The following OGA variants were observed in gnomAD, a reference collection of about 807,000 sequenced individuals.
OGA encodes the protein O-GlcNAcase, also known as protein O-GlcNAcase.
A neutral mutation model predicts 102.0 loss-of-function variants in OGA; 21 were observed. The ratio of observed to expected loss-of-function variants is 0.21; its 90% confidence interval spans 0.15 to 0.30. The LOEUF (loss-of-function observed/expected upper bound fraction) is 0.30. OGA is among the 10% of genes least tolerant of loss of function. OGA has a pLI of 1.00. For missense variants in OGA, 765 were observed against 1,107.8 expected (o/e 0.69, Z 4.39); for synonymous variants, 408 against 378.2 (o/e 1.08, Z -0.91).
intron 10 of OGA, chr10:101,797,338 TAAAA>T: frequency 6.8e-6 from 1 of 147,294 alleles, no homozygotes; most frequent in Admixed American, 6.8e-5. Context: ...TTTGACAATT[TAAAA>T]AAAAAAAATC....
intron 14 of OGA, among the ~76,000 whole-genome samples, chr10:101,788,974 T>G (rs1362409566): frequency 1.3e-5 from 2 of 152,238 alleles, no homozygotes; most frequent in African/African-American, 2.4e-5. Context: ...ATATTTTAAA[T>G]TAACGTATTC....
At chr10:101,800,096 C>T in intron 8 of OGA, 146 bp downstream of exon 8, 2 of 802,338 alleles carry the variant, frequency 2.5e-6, no homozygotes, top group Non-Finnish European at 3.9e-6. Flanking sequence ...TGGTCTCGAA[C>T]TCCTGACCTC....
intron 3 of OGA, among the ~76,000 whole-genome samples, chr10:101,812,304 G>A (rs748726710): frequency 7.2e-5 from 11 of 152,142 alleles, no homozygotes; most frequent in Non-Finnish European, 1.3e-4. Flanking sequence ...CACTTTGGGA[G>A]GCTGAGGCAG....
In OGA at chr10:101,786,244, T is replaced by C. The variant is rs1461606251; in HGVS notation, c.*207A>G. 4 of 433,804 alleles carry C rather than the reference T, an allele frequency of 9.2e-6. No individual in the cohort carries two copies. Among genetic ancestry groups the C allele is most frequent in the Non-Finnish European group, 1.5e-5 (4 of 258,732 alleles). The allele number at this position is 433,804 out of a possible 1,614,324, so 26.9% of individuals were successfully genotyped here. On this transcript the variant is annotated 3_prime_UTR_variant, in exon 16 of 16. Coordinates refer to ENST00000361464, the MANE Select transcript of OGA (RefSeq NM_012215.5). ...TCAAAAAGGAAGCCCACATCTCTCTTTCATACAGGATTTGCTGCAATACTA... is the reference window on the plus strand; with the variant it reads ...TCAAAAAGGAAGCCCACATCTCTCTCTCATACAGGATTTGCTGCAATACTA...
chr10:101,789,818 A>G (rs142217249), intron 14 of OGA, among the ~76,000 whole-genome samples: 5 of 152,298 alleles, frequency 3.3e-5, no homozygotes, highest in East Asian at 1.9e-4. Context: ...TACAAAAAAA[A>G]TACAAAAAAG....
intron 7 of OGA, among the ~76,000 whole-genome samples, chr10:101,800,771 CTT>C (rs771355527): frequency 1.6e-4 from 19 of 117,642 alleles, no homozygotes; most frequent in Admixed American, 3.6e-4. Flanking sequence ...CTTGTAACTT[CTT>C]TTTTTTTTTT....
Position 101,787,384 on chromosome 10 carries a change from AG to A in OGA, c.2593del (p.Leu865CysfsTer4). On this transcript the variant is annotated frameshift_variant, in exon 15 of 16. Transcript: ENST00000361464. LOFTEE classifies it high-confidence loss of function. ...CTCACCATTAGCCTTCAGTGAAGAC[AG>A]GAGGCAAGCCATCATGCTTTTGGCC... is the stretch of plus-strand genomic sequence containing the variant. The part of the protein sequence containing the change: ...SVAKSMMACL[L>X]SSLKANGSRG... 1 of 1,613,490 alleles carries A rather than the reference AG, an allele frequency of 6.2e-7. No individual in the cohort carries two copies. The highest frequency in any genetic ancestry group is 8.5e-7 in the Non-Finnish European group (1 of 1,179,378).
At chr10:101,787,281 A>T (rs757111582) in intron 15 of OGA, 83 bp downstream of exon 15, 206 of 1,359,396 alleles carry the variant, frequency 1.5e-4, no homozygotes, top group Non-Finnish European at 1.9e-4. Context: ...TTTACAATTC[A>T]CTTCTTTCCT....
intron 1 of OGA, 46 bp downstream of exon 1, chr10:101,817,778 A>G (rs1283984889): frequency 6.5e-7 from 1 of 1,531,438 alleles, no homozygotes; most frequent in African/African-American, 1.4e-5. Context: ...CCTCCCGAGG[A>G]CAGAACGTGT....
At chr10:101,801,203 C>G (rs2065386843) in intron 7 of OGA, among the ~76,000 whole-genome samples, 1 of 151,800 alleles carries the variant, frequency 6.6e-6, no homozygotes, top group Non-Finnish European at 1.5e-5. Flanking sequence ...CTAGCCTGGC[C>G]AACATGGTAA....
chr10:101,795,788 A>T (rs1174673879), intron 10 of OGA: 3 of 559,324 alleles, frequency 5.4e-6, no homozygotes, highest in Non-Finnish European at 6.8e-6. Context: ...AAAATACACT[A>T]ATGATAGTTG....
chr10:101,808,595 CCAGA>C (rs2065506323), intron 4 of OGA, among the ~76,000 whole-genome samples: 1 of 152,060 alleles, frequency 6.6e-6, no homozygotes, highest in African/African-American at 2.4e-5. Context: ...AAATTTTTTA[CCAGA>C]CATTTTAATG....
intron 3 of OGA, 152 bp downstream of exon 3, chr10:101,812,878 A>G (rs866644619): frequency 1.4e-6 from 1 of 720,362 alleles, no homozygotes; most frequent in East Asian, 2.7e-5. Flanking sequence ...CACTCTTTCA[A>G]TCTCAGCTAA....
At chr10:101,791,251 G>A (rs2065256227) in intron 13 of OGA, 103 bp downstream of exon 13, 3 of 1,226,462 alleles carry the variant, frequency 2.4e-6, no homozygotes, top group South Asian at 1.4e-5. Flanking sequence ...AAGCCAAAGT[G>A]GGATTTAAAA....
At chr10:101,813,730 C>T (rs562798390) in intron 1 of OGA, 124 bp from the exon 2 acceptor site, 16 of 485,946 alleles carry the variant, frequency 3.3e-5, no homozygotes, top group African/African-American at 1.0e-4. Context: ...TACACCAAAT[C>T]GGAAGGATAT....
intron 15 of OGA, among the ~76,000 whole-genome samples, chr10:101,786,851 T>A (rs930926246): frequency 1.1e-4 from 16 of 152,104 alleles, no homozygotes; most frequent in African/African-American, 3.9e-4. Flanking sequence ...CACTGCAACC[T>A]CCGCCTCCCG....
intron 14 of OGA, among the ~76,000 whole-genome samples, chr10:101,788,767 A>G (rs2065222547): frequency 6.6e-6 from 1 of 152,056 alleles, no homozygotes; most frequent in Non-Finnish European, 1.5e-5. Context: ...TCTAAATGCT[A>G]TGTGGTATTG....
At chr10:101,794,823 G>A (rs1030415517) in intron 10 of OGA, among the ~76,000 whole-genome samples, 4 of 152,204 alleles carry the variant, frequency 2.6e-5, no homozygotes, top group African/African-American at 9.6e-5. Flanking sequence ...AAAGGCAAAT[G>A]TTTGGAGGCC....
At chr10:101,804,525 G>A (rs1005189426) in intron 6 of OGA, among the ~76,000 whole-genome samples, 2 of 151,914 alleles carry the variant, frequency 1.3e-5, no homozygotes, top group African/African-American at 2.4e-5. Context: ...CGCCTGCCTC[G>A]GCCTCCCAAA....
Sources: gnomAD v4.1 joint callset for allele counts (sites outside exome capture counted in the v4.1 genomes callset) on GRCh38, gnomAD v4.1.1 for gene constraint, MANE v1.5 for transcripts, NCBI Gene and HGNC (gene_info 2026-07-23, HGNC 2026-07-21) for gene names.